The following KCNJ9 variants were observed in gnomAD, a reference collection of about 807,000 sequenced individuals.
KCNJ9 encodes the protein potassium inwardly rectifying channel subfamily J member 9, also known as G protein-activated inward rectifier potassium channel 3.
A neutral mutation model predicts 27.9 loss-of-function variants in KCNJ9; 18 were observed. That is an observed-to-expected ratio of 0.65 (90% CI 0.45 to 0.96). The LOEUF is 0.96. Ranked by LOEUF, KCNJ9 falls within the 40% of genes least tolerant of loss-of-function variation. The probability of loss-of-function intolerance (pLI) is 0.00; values close to 1 mark genes in which losing one functional copy is unlikely to be tolerated. For synonymous variants in KCNJ9, 229 were observed against 248.2 expected (o/e 0.92, Z 0.73); for missense variants, 324 against 557.5 (o/e 0.58, Z 4.22).
Position 160,084,577 on chromosome 1 carries a change from G to T in KCNJ9, c.547G>T (p.Asp183Tyr), listed in dbSNP as rs887693587. 6.2e-7 allele frequency: 1 copy of T among 1,610,644 alleles called. No individual in the cohort carries two copies. The highest frequency in any genetic ancestry group is 8.5e-7 in the Non-Finnish European group (1 of 1,178,482). The change falls in exon 2 of 3, where the codon GAC becomes TAC. Residue 183 changes from aspartate to tyrosine, a missense_variant. Physicochemically the swap from Asp to Tyr is radical, Grantham distance 160. This residue lies in a region of KCNJ9 where 241 missense variants were observed against 481.7 expected (regional missense o/e 0.50). Transcript: ENST00000368088. ...CTCGCACGCCGTGGTGTCGCTGCGC[G>T]ACGGGCGCCTCTGCCTCATGTTCCG... ...FSSHAVVSLR[D>Y]GRLCLMFRVG...
intron 1 of KCNJ9, among the ~76,000 whole-genome samples, chr1:160,082,348 T>A (rs1011969102): frequency 6.6e-5 from 10 of 152,214 alleles, no homozygotes; most frequent in African/African-American, 2.4e-4. Flanking sequence ...GGAAGCCCAT[T>A]GTTGGGGGCA....
Position 160,087,893 on chromosome 1 carries a change from G to A in KCNJ9, c.*76G>A, listed in dbSNP as rs1649811456. On this transcript the variant is annotated 3_prime_UTR_variant, in exon 3 of 3. Coordinates refer to ENST00000368088, the MANE Select transcript of KCNJ9 (RefSeq NM_004983.3). Reference sequence around the variant, plus strand: ...TGGGGAACTGCATATCGGAGGTGGTGGAGGAGGAGGAGGAGGAGGAAGGCA... The same window carrying A: ...TGGGGAACTGCATATCGGAGGTGGTAGAGGAGGAGGAGGAGGAGGAAGGCA... 8.9e-7 allele frequency: 1 copy of A among 1,125,896 alleles called. No individual in the cohort carries two copies. Among genetic ancestry groups the A allele is most frequent in the Non-Finnish European group, 1.2e-6 (1 of 865,038 alleles). The allele number at this position is 1,125,896 out of a possible 1,614,324, so 69.7% of individuals were successfully genotyped here. A position where few individuals can be genotyped will look rare whatever the true frequency, so the allele number is the denominator to read the frequency against.
chr1:160,087,716 G>A lies in KCNJ9; in HGVS notation c.1081G>A (p.Val361Met). Reference protein sequence around the residue: ...WSIPSRLDEKVEEEGAGEGAG... With the variant: ...WSIPSRLDEKMEEEGAGEGAG... The stretch of plus-strand genomic sequence containing the variant: ...CATCCCCAGCCGGCTGGATGAGAAG[G>A]TGGAGGAGGAGGGGGCGGGGGAGGG... Residue 361 changes from valine (V) to methionine (M), a missense_variant, in exon 3 of 3, where the codon GTG (valine) becomes ATG (methionine). By Grantham distance (21) the Val-to-Met change is conservative. Transcript: ENST00000368088. The A allele has an allele frequency of 1.5e-6, 2 of 1,314,718 alleles. No homozygotes were observed. The highest frequency in any genetic ancestry group is 2.0e-6 in the Non-Finnish European group (2 of 983,654). The allele number at this position is 1,314,718 out of a possible 1,614,324, so 81.4% of individuals were successfully genotyped here. A position where few individuals can be genotyped will look rare whatever the true frequency, so the allele number is the denominator to read the frequency against.
At chr1:160,084,958 G>A in intron 2 of KCNJ9, 78 bp downstream of exon 2, 1 of 1,417,788 alleles carries the variant, frequency 7.1e-7, no homozygotes, top group Non-Finnish European at 9.4e-7. Context: ...GAGACTAGGG[G>A]CCAGGGGAGC....
chr1:160,085,842 T>C (rs1411847695), intron 2 of KCNJ9, among the ~76,000 whole-genome samples: 1 of 152,240 alleles, frequency 6.6e-6, no homozygotes, highest in East Asian at 1.9e-4. Flanking sequence ...TGATGCTCCC[T>C]GCCGGCTTCG....
Position 160,084,849 on chromosome 1 carries a change from C to T in KCNJ9, c.819C>T (p.Val273=), listed in dbSNP as rs1649748072. 1.3e-6 allele frequency: 2 copies of T among 1,522,906 alleles called. No individual in the cohort carries two copies. Among genetic ancestry groups the T allele is most frequent in the Non-Finnish European group, 1.8e-6 (2 of 1,132,536 alleles). 94.3% of individuals were successfully genotyped at this position (1,522,906 alleles called of 1,614,324 possible). The change falls in exon 2 of 3, where the codon GTC becomes GTT. Residue 273 remains valine, a synonymous_variant. Transcript: ENST00000368088. ...TCGAGAGGGACGACTTCGAGATCGT[C>T]GTTATCCTCGAGGGCATGGTGGAAG... ...RALERDDFEI[V]VILEGMVEAT...
chr1:160,085,501 G>A lies in KCNJ9; in HGVS notation c.850+621G>A, dbSNP rs576408685. Reference sequence around the variant, plus strand: ...CCATTGCCTGAGTTATTTCTAGGCCGGATCTTGAGGGGAGTTTAATACCTA... The same window carrying A: ...CCATTGCCTGAGTTATTTCTAGGCCAGATCTTGAGGGGAGTTTAATACCTA... On this transcript the variant is annotated intron_variant, in intron 2 of 2. Coordinates refer to ENST00000368088, the MANE Select transcript of KCNJ9 (RefSeq NM_004983.3). Among the ~76,000 whole-genome samples, 8 of 152,296 alleles carry A rather than the reference G, an allele frequency of 5.3e-5. No homozygotes were observed. The South Asian group carries it at 1.7e-3, about 32-fold the overall frequency.
chr1:160,084,409 G>C lies in KCNJ9; in HGVS notation c.379G>C (p.Val127Leu). The C allele has an allele frequency of 1.2e-6, 2 of 1,613,470 alleles. No individual in the cohort carries two copies. The highest frequency in any genetic ancestry group is 1.7e-6 in the Non-Finnish European group (2 of 1,179,840). Reference sequence around the variant, plus strand: ...GACCACCATCGGCTACGGGCACCGCGTCATCACCGACCAGTGCCCCGAGGG... The same window carrying C: ...GACCACCATCGGCTACGGGCACCGCCTCATCACCGACCAGTGCCCCGAGGG... ...TETTIGYGHR[V>L]ITDQCPEGIV... Residue 127 changes from valine to leucine, a missense_variant, in exon 2 of 3, where the codon GTC becomes CTC. By Grantham distance (32) the Val-to-Leu change is conservative. Around this residue, in one of 3 missense-constraint regions of KCNJ9, gnomAD observed 241 missense variants for 481.7 expected, o/e 0.50. Coordinates refer to ENST00000368088, the MANE Select transcript of KCNJ9 (RefSeq NM_004983.3).
chr1:160,086,798 T>A (rs1184754520), intron 2 of KCNJ9, among the ~76,000 whole-genome samples: 1 of 152,076 alleles, frequency 6.6e-6, no homozygotes, highest in Non-Finnish European at 1.5e-5. Flanking sequence ...AGTTGGAAAA[T>A]TTACTATACT....
In KCNJ9 at chr1:160,084,704, A is replaced by C; in HGVS notation, c.674A>C (p.Gln225Pro). 6.3e-7 allele frequency: 1 copy of C among 1,591,824 alleles called. No individual in the cohort carries two copies. The change falls in exon 2 of 3, where the codon CAG becomes CCG. Residue 225 changes from glutamine (Q) to proline (P), a missense_variant. Physicochemically the swap from Gln to Pro is moderately conservative, Grantham distance 76. This residue lies in a region of KCNJ9 where 241 missense variants were observed against 481.7 expected (regional missense o/e 0.50). Transcript: ENST00000368088. ...TLEGEFIPLH[Q>P]TDLSVGFDTG... The stretch of plus-strand genomic sequence containing the variant: ...GAGGGCGAGTTCATCCCGCTGCACC[A>C]GACCGACCTCAGCGTGGGCTTCGAC...
At position 160,087,622 on chromosome 1, in the gene KCNJ9, C is replaced by T; in HGVS notation, c.987C>T (p.Pro329=). 6.2e-7 allele frequency: 1 copy of T among 1,613,520 alleles called. No homozygotes were observed. The highest frequency in any genetic ancestry group is 8.5e-7 in the Non-Finnish European group (1 of 1,179,874). The change falls in exon 3 of 3, where the codon CCC becomes CCT. Residue 329 remains proline, a synonymous_variant. Coordinates refer to ENST00000368088, the MANE Select transcript of KCNJ9 (RefSeq NM_004983.3). ...YASFHETFEV[P]TPSCSARELA... ...GCTTTCACGAGACTTTTGAGGTGCCCACACCTTCGTGCAGTGCTCGAGAGC... is the reference window on the plus strand; with the variant it reads ...GCTTTCACGAGACTTTTGAGGTGCCTACACCTTCGTGCAGTGCTCGAGAGC...
At chr1:160,085,033 G>A (rs1649752756) in intron 2 of KCNJ9, among the ~76,000 whole-genome samples, 153 bp downstream of exon 2, 1 of 152,204 alleles carries the variant, frequency 6.6e-6, no homozygotes, top group African/African-American at 2.4e-5. Context: ...GGTCGGAGGC[G>A]GGAGTGGAAC....
rs535579373 is a variant in KCNJ9, at chr1:160,089,209, G to C, written c.*1392G>C. Reference sequence around the variant, plus strand: ...GGCATAGAAACTGAGGAGTAGCTGAGAGGAAGATGAAGAGAAGCTGAGAAG... The same window carrying C: ...GGCATAGAAACTGAGGAGTAGCTGACAGGAAGATGAAGAGAAGCTGAGAAG... On this transcript the variant is annotated 3_prime_UTR_variant, in exon 3 of 3. Coordinates refer to ENST00000368088, the MANE Select transcript of KCNJ9 (RefSeq NM_004983.3). 5.1e-4 allele frequency: 78 copies of C among 152,482 alleles called. 2 individuals carry two copies. Among genetic ancestry groups the C allele is most frequent in the African/African-American group, 1.8e-3 (73 of 41,578 alleles). The allele number at this position is 152,482 out of a possible 1,614,324, so 9.4% of individuals were successfully genotyped here.
intron 2 of KCNJ9, among the ~76,000 whole-genome samples, chr1:160,085,852 G>A (rs1189273052): frequency 6.6e-6 from 1 of 152,220 alleles, no homozygotes; most frequent in Admixed American, 6.5e-5. Flanking sequence ...TGCCGGCTTC[G>A]CTGACAAGCT....
intron 2 of KCNJ9, 115 bp downstream of exon 2, chr1:160,084,995 G>A: frequency 8.3e-7 from 1 of 1,203,444 alleles, no homozygotes; most frequent in Non-Finnish European, 1.1e-6. Context: ...AGGGGCTGGT[G>A]GAGGATGAGA....
Position 160,084,879 on chromosome 1 carries a change from G to C in KCNJ9, c.849G>C (p.Thr283=), listed in dbSNP as rs768574656. The C allele has an allele frequency of 6.6e-6, 10 of 1,525,936 alleles. No homozygotes were observed. The highest frequency in any genetic ancestry group is 4.8e-5 in the South Asian group (4 of 82,994). 94.5% of individuals were successfully genotyped at this position (1,525,936 alleles called of 1,614,324 possible). A position where few individuals can be genotyped will look rare whatever the true frequency, so the allele number is the denominator to read the frequency against. Residue 283 remains threonine (T), a splice_region_variant and synonymous_variant, in exon 2 of 3, where the codon ACG becomes ACC. Coordinates refer to ENST00000368088, the MANE Select transcript of KCNJ9 (RefSeq NM_004983.3). Reference sequence around the variant, plus strand: ...TCCTCGAGGGCATGGTGGAAGCCACGGGTGCGAGCAGGCCTGGGGAGGGGA... The same window carrying C: ...TCCTCGAGGGCATGGTGGAAGCCACCGGTGCGAGCAGGCCTGGGGAGGGGA... ...VVILEGMVEA[T]GMTCQARSSY... is the part of the protein sequence containing the mutation.
At position 160,083,969 on chromosome 1, in the gene KCNJ9, G is replaced by T. The variant is rs972028262; in HGVS notation, c.-62G>T. ...GGCGCCCAGCGACGCGCGGCAGGTG[G>T]CAGCAGCTCGGGCCCCCGCCGCACT... On this transcript the variant is annotated 5_prime_UTR_variant, in exon 2 of 3. Transcript: ENST00000368088. 4.2e-6 allele frequency: 5 copies of T among 1,203,734 alleles called. No homozygotes were observed. In the African/African-American group the frequency reaches 7.9e-5, roughly 19 times the overall value. The allele number at this position is 1,203,734 out of a possible 1,614,324, so 74.6% of individuals were successfully genotyped here. A position where few individuals can be genotyped will look rare whatever the true frequency, so the allele number is the denominator to read the frequency against.
chr1:160,086,170 T>C (rs1649774655), intron 2 of KCNJ9, among the ~76,000 whole-genome samples: 1 of 152,210 alleles, frequency 6.6e-6, no homozygotes, highest in African/African-American at 2.4e-5. Context: ...TCTCTCCCAC[T>C]GGATACTTTC....
rs984410330 is a variant in KCNJ9, at chr1:160,090,150, C to G, written c.*2333C>G. On this transcript the variant is annotated 3_prime_UTR_variant, in exon 3 of 3. Coordinates refer to ENST00000368088, the MANE Select transcript of KCNJ9 (RefSeq NM_004983.3). ...GTCATCAAAGATGAGATTCCTGAAG[C>G]CTGGCATTGACTGGTCCCCTAAGAA... 3 of 152,336 alleles carry G rather than the reference C, an allele frequency of 2.0e-5. No individual in the cohort carries two copies. The highest frequency in any genetic ancestry group is 2.1e-4 in the South Asian group (1 of 4,820). 9.4% of individuals were successfully genotyped at this position (152,336 alleles called of 1,614,324 possible).
Sources: allele counts gnomAD v4.1 joint callset (sites outside exome capture counted in the v4.1 genomes callset), GRCh38; gene constraint gnomAD v4.1.1; regional missense constraint gnomAD v4.1.1; transcripts MANE v1.5; gene names NCBI Gene and HGNC (gene_info 2026-07-23, HGNC 2026-07-21).